PI4KA: variants seen among roughly 807,000 people sequenced by gnomAD.
PI4KA encodes PI4-kinase alpha.
In PI4KA, 122 loss-of-function variants were observed where a neutral mutation model predicts 271.4. The observed-to-expected ratio is 0.45, with a 90% CI of 0.39 to 0.52. The LOEUF is 0.52. Ranked by LOEUF, PI4KA falls within the 20% of genes least tolerant of loss-of-function variation. PI4KA has a pLI of 0.00. For missense variants in PI4KA, 1,969 were observed against 2,769.1 expected (o/e 0.71, Z 6.48); for synonymous variants, 1,041 against 1,078.8 (o/e 0.96, Z 0.69).
chr22:20,785,484 T>C (rs1013814433), intron 19 of PI4KA, among the ~76,000 whole-genome samples: 3 of 152,206 alleles, frequency 2.0e-5, no homozygotes, highest in African/African-American at 7.2e-5. Flanking sequence ...AATCTCTTTA[T>C]CCCCTGCAAA....
intron 18 of PI4KA, among the ~76,000 whole-genome samples, chr22:20,795,291 A>G (rs925601516): frequency 1.9e-4 from 29 of 151,774 alleles, no homozygotes; most frequent in Admixed American, 1.7e-3. Flanking sequence ...AAAACTTTCT[A>G]GCTCATTACA....
At chr22:20,847,958 C>T (rs1926473755) in intron 1 of PI4KA, among the ~76,000 whole-genome samples, 1 of 152,116 alleles carries the variant, frequency 6.6e-6, no homozygotes, top group Non-Finnish European at 1.5e-5. Flanking sequence ...GCAATACAGG[C>T]CGAGCACAGT....
intron 18 of PI4KA, among the ~76,000 whole-genome samples, chr22:20,795,403 A>G (rs1934922554): frequency 6.6e-6 from 1 of 152,144 alleles, no homozygotes; most frequent in Non-Finnish European, 1.5e-5. Context: ...TATATGACCC[A>G]ACCCCAGCCA....
intron 42 of PI4KA, among the ~76,000 whole-genome samples, chr22:20,722,810 G>A (rs1024557315): frequency 2.6e-5 from 4 of 152,140 alleles, no homozygotes; most frequent in Non-Finnish European, 4.4e-5. Flanking sequence ...TACCACACAG[G>A]CAGAAGTCTT....
At chr22:20,822,885 A>G (rs887703625) in intron 4 of PI4KA, among the ~76,000 whole-genome samples, 1 of 152,188 alleles carries the variant, frequency 6.6e-6, no homozygotes, top group African/African-American at 2.4e-5. Flanking sequence ...TGAATAATCT[A>G]CAAAAGCTTG....
At chr22:20,823,877 T>C (rs1292396238) in intron 4 of PI4KA, among the ~76,000 whole-genome samples, 1 of 151,980 alleles carries the variant, frequency 6.6e-6, no homozygotes, top group Admixed American at 6.6e-5. Flanking sequence ...ACGGCAGAGG[T>C]TGCAGTGAGC....
At chr22:20,720,025 CAAAAAAA>C (rs869149471) in intron 43 of PI4KA, among the ~76,000 whole-genome samples, 3 of 35,386 alleles carry the variant, frequency 8.5e-5, no homozygotes, top group Admixed American at 8.3e-4. Context: ...GACTCTGTCT[CAAAAAAA>C]AAAAAAAAAA....
chr22:20,744,085 G>T (rs928354912), intron 30 of PI4KA, among the ~76,000 whole-genome samples: 4 of 152,080 alleles, frequency 2.6e-5, no homozygotes, highest in African/African-American at 9.7e-5. Context: ...CAAACAAAAA[G>T]AAATGGTATA....
At chr22:20,847,341 C>G (rs1345948047) in intron 1 of PI4KA, among the ~76,000 whole-genome samples, 1 of 152,120 alleles carries the variant, frequency 6.6e-6, no homozygotes, top group Non-Finnish European at 1.5e-5. Context: ...AATCCCAGCA[C>G]TTTGGGAGGC....
intron 9 of PI4KA, among the ~76,000 whole-genome samples, chr22:20,808,271 CAAG>C (rs1255206738): frequency 7.1e-6 from 1 of 140,796 alleles, no homozygotes; most frequent in Non-Finnish European, 1.5e-5. Context: ...GCCTGGGCAA[CAAG>C]AACAAAACTC....
chr22:20,809,314 GGAGT>G lies in PI4KA; in HGVS notation c.1071+1649_1071+1652del, dbSNP rs374385958. Among the ~76,000 whole-genome samples, 312 of 152,210 alleles carry G rather than the reference GGAGT, an allele frequency of 2.0e-3. 1 individual carries two copies. The highest frequency in any genetic ancestry group is 0.015 in the South Asian group (74 of 4,822). Reference sequence around the variant, plus strand: ...AACTGGGGATTGTTGTGAGATTCAAGGAGTGAGTGAGTAAAGTTCTGGCACATAA... The same window carrying G: ...AACTGGGGATTGTTGTGAGATTCAAGGAGTGAGTAAAGTTCTGGCACATAA... On this transcript the variant is annotated intron_variant, in intron 9 of 54. Transcript: ENST00000255882.
At position 20,764,311 on chromosome 22, in the gene PI4KA, T is replaced by G. The variant is rs372976658; in HGVS notation, c.2708+506A>C. 1.9e-4 allele frequency among the ~76,000 whole-genome samples: 29 copies of G among 152,302 alleles called. No individual in the cohort carries two copies. In the Middle Eastern group the frequency reaches 0.01, roughly 54 times the overall value. Reference sequence around the variant, plus strand: ...TCCAAGCTTACTTCTGAGGTCAACATGATAACAGCTGTAGATCCTAAGTGT... The same window carrying G: ...TCCAAGCTTACTTCTGAGGTCAACAGGATAACAGCTGTAGATCCTAAGTGT... On this transcript the variant is annotated intron_variant, in intron 22 of 54. Coordinates refer to ENST00000255882, the MANE Select transcript of PI4KA (RefSeq NM_058004.4).
chr22:20,830,263 T>A (rs1923977974), intron 3 of PI4KA, among the ~76,000 whole-genome samples: 2 of 152,232 alleles, frequency 1.3e-5, no homozygotes, highest in African/African-American at 4.8e-5. Flanking sequence ...ATTATGTGGT[T>A]ACCTAAGCCT....
At chr22:20,733,189 A>G in intron 35 of PI4KA, 91 bp from the exon 36 acceptor site, 2 of 1,459,502 alleles carry the variant, frequency 1.4e-6, no homozygotes, top group Non-Finnish European at 1.9e-6. Flanking sequence ...TGATGCAGAC[A>G]GTTTCTTAAT....
intron 1 of PI4KA, among the ~76,000 whole-genome samples, chr22:20,851,288 CG>C (rs1401944488): frequency 6.6e-6 from 1 of 152,016 alleles, no homozygotes; most frequent in Non-Finnish European, 1.5e-5. Context: ...ATCATATGAA[CG>C]GATGGTGCCA....
At chr22:20,751,918 A>G (rs1930747565) in intron 25 of PI4KA, among the ~76,000 whole-genome samples, 163 bp from the exon 26 acceptor site, 1 of 152,212 alleles carries the variant, frequency 6.6e-6, no homozygotes, top group Admixed American at 6.5e-5. Context: ...CCTCAGGCTC[A>G]TTGCAGTAAG....
chr22:20,813,578 C>T lies in PI4KA; in HGVS notation c.857-72G>A. ...AGGGTACTTCCTCAAGCTGACTCCC[C>T]CAATAACCAACAAAGGTGCAGATTT... On this transcript the variant is annotated intron_variant, in intron 7 of 54. Transcript: ENST00000255882. The T allele has an allele frequency of 3.6e-6, 5 of 1,381,770 alleles. No homozygotes were observed. In the South Asian group the frequency reaches 6.2e-5, roughly 17 times the overall value. The allele number at this position is 1,381,770 out of a possible 1,614,324, so 85.6% of individuals were successfully genotyped here.
At chr22:20,745,857 A>C (rs1929994689) in intron 29 of PI4KA, among the ~76,000 whole-genome samples, 1 of 151,906 alleles carries the variant, frequency 6.6e-6, no homozygotes, top group Non-Finnish European at 1.5e-5. Flanking sequence ...TGGGCAGTGC[A>C]GGCCGGCTCC....
intron 22 of PI4KA, among the ~76,000 whole-genome samples, chr22:20,761,846 T>C (rs1008399771): frequency 6.6e-6 from 1 of 151,874 alleles, no homozygotes; most frequent in African/African-American, 2.4e-5. Context: ...ATGACCCCAC[T>C]TACAGGTTTC....
Sources: gnomAD v4.1 joint callset for allele counts (sites outside exome capture counted in the v4.1 genomes callset) on GRCh38, gnomAD v4.1.1 for gene constraint, MANE v1.5 for transcripts, NCBI Gene and HGNC (gene_info 2026-07-23, HGNC 2026-07-21) for gene names.